TMEM129: variants seen among roughly 807,000 people sequenced by gnomAD.
TMEM129 encodes transmembrane protein 129, E3 ubiquitin ligase.
Under a neutral mutation model 34.1 loss-of-function variants are expected in TMEM129, and 35 were observed. The observed-to-expected ratio is 1.03, with a 90% confidence interval of 0.78 to 1.36. The LOEUF is 1.36. TMEM129 is among the 40% of genes most tolerant of loss of function. The probability of loss-of-function intolerance (pLI) is 0.00; values close to 1 mark genes in which losing one functional copy is unlikely to be tolerated. For synonymous variants in TMEM129, 239 were observed against 217.3 expected, an observed-to-expected ratio of 1.10 and a Z score of -0.88; for missense variants, 504 against 512.6, an observed-to-expected ratio of 0.98 and a Z score of 0.16.
rs1717028691 is a variant in TMEM129, at chr4:1,717,510, C to T, written c.840+6G>A. Reference sequence around the variant, plus strand: ...CATCCACCCGGCCCTGGCCCAGGCCCCCCACCTGGCTGCTGGGCACTGAGT... The same window carrying T: ...CATCCACCCGGCCCTGGCCCAGGCCTCCCACCTGGCTGCTGGGCACTGAGT... On this transcript the variant is annotated splice_donor_region_variant and intron_variant, in intron 3 of 3. Coordinates refer to ENST00000382936, the MANE Select transcript of TMEM129 (RefSeq NM_001127266.2). 2 of 1,514,308 alleles carry T rather than the reference C, an allele frequency of 1.3e-6. No homozygotes were observed. The highest frequency in any genetic ancestry group is 1.8e-6 in the Non-Finnish European group (2 of 1,123,346). The allele number at this position is 1,514,308 out of a possible 1,614,324, so 93.8% of individuals were successfully genotyped here.
chr4:1,718,263 G>C lies in TMEM129; in HGVS notation c.569C>G (p.Thr190Ser). The stretch of plus-strand genomic sequence containing the variant: ...CTCATGCTGCCGAGACTCCGTCACA[G>C]TCAGGTGCACGTCCTGCTGCTGGGC... ...HVAQQQDVHL[T>S]VTESRQHELS... is the part of the protein sequence containing the mutation. The change falls in exon 2 of 4, where the codon ACT becomes AGT. Residue 190 changes from threonine (T) to serine (S), a missense_variant. Transcript: ENST00000382936. The C allele has an allele frequency of 6.2e-7, 1 of 1,611,340 alleles. No individual in the cohort carries two copies. Among genetic ancestry groups the C allele is most frequent in the Non-Finnish European group, 8.5e-7 (1 of 1,179,028 alleles).
At position 1,720,669 on chromosome 4, in the gene TMEM129, C is replaced by A; in HGVS notation, c.169G>T (p.Ala57Ser). ...AGCGAGTGGCACAACAGCGTGGCGG[C>A]CGTGCGGCGCAAGTGGAAGGGCACG... Reference protein sequence around the residue: ...AFVPFHLRRTAATLLCHSLLP... With the variant: ...AFVPFHLRRTSATLLCHSLLP... Residue 57 changes from alanine (A) to serine (S), a missense_variant, in exon 1 of 4, where the codon GCC (alanine) becomes TCC (serine). Transcript: ENST00000382936. This position sits in a 1 kb window ranked among gnomAD's most constrained non-coding sequence, Gnocchi z 4.4. 1 of 1,546,656 alleles carries A rather than the reference C, an allele frequency of 6.5e-7. No individual in the cohort carries two copies. Among genetic ancestry groups the A allele is most frequent in the Non-Finnish European group, 8.7e-7 (1 of 1,147,392 alleles).
Position 1,717,117 on chromosome 4 carries a change from A to G in TMEM129, c.*63T>C, listed in dbSNP as rs1577194784. 1 of 1,376,402 alleles carries G rather than the reference A, an allele frequency of 7.3e-7. No individual in the cohort carries two copies. Among genetic ancestry groups the G allele is most frequent in the Non-Finnish European group, 9.4e-7 (1 of 1,065,348 alleles). The allele number at this position is 1,376,402 out of a possible 1,614,324, so 85.3% of individuals were successfully genotyped here. A position where few individuals can be genotyped will look rare whatever the true frequency, so the allele number is the denominator to read the frequency against. On this transcript the variant is annotated 3_prime_UTR_variant, in exon 4 of 4. Transcript: ENST00000382936. ...CCTTTGCCAGCCAGGAGGCCCAGCC[A>G]CCCCCTTCCCTGCCCTGTGGCTTTG... is the stretch of plus-strand genomic sequence containing the variant.
rs1480958561 is a variant in TMEM129 at position 1,720,820 on chromosome 4, C to T, written c.18G>A (p.Val6=). The T allele has an allele frequency of 1.3e-6, 2 of 1,588,176 alleles. No individual in the cohort carries two copies. Among genetic ancestry groups the T allele is most frequent in the Non-Finnish European group, 1.7e-6 (2 of 1,168,920 alleles). ...ACACCAGATAGGCGAGAGTGAAGGTCACCTCGGGGCTGTCCATCGCGCAGC... is the reference window on the plus strand; with the variant it reads ...ACACCAGATAGGCGAGAGTGAAGGTTACCTCGGGGCTGTCCATCGCGCAGC... The part of the protein sequence containing the change: MDSPE[V]TFTLAYLVFA... Residue 6 remains valine (V), a synonymous_variant, in exon 1 of 4, where the codon GTG becomes GTA. Coordinates refer to ENST00000382936, the MANE Select transcript of TMEM129 (RefSeq NM_001127266.2). This position sits in a 1 kb window ranked among gnomAD's most constrained non-coding sequence, Gnocchi z 4.4.
intron 2 of TMEM129, 180 bp from the exon 3 acceptor site, chr4:1,717,855 G>A (rs1717052959): frequency 1.2e-6 from 1 of 837,874 alleles, no homozygotes; most frequent in Non-Finnish European, 1.8e-6. Flanking sequence ...ACGGACCTAG[G>A]AGCAAGGCAG....
In TMEM129 at chr4:1,720,532, G is replaced by C. The variant is rs533096230; in HGVS notation, c.205+101C>G. ...CGGCGCCTCTCCCCAGCTGCGCCCA[G>C]GCGCTTTCGGGGCCTCGGGGAGCTG... On this transcript the variant is annotated intron_variant, in intron 1 of 3. Transcript: ENST00000382936. This position sits in a 1 kb window ranked among gnomAD's most constrained non-coding sequence, Gnocchi z 4.4. 4 of 1,397,126 alleles carry C rather than the reference G, an allele frequency of 2.9e-6. No homozygotes were observed. Among genetic ancestry groups the C allele is most frequent in the Non-Finnish European group, 3.8e-6 (4 of 1,057,780 alleles). The allele number at this position is 1,397,126 out of a possible 1,614,324, so 86.5% of individuals were successfully genotyped here. A position where few individuals can be genotyped will look rare whatever the true frequency, so the allele number is the denominator to read the frequency against.
In TMEM129 at chr4:1,718,392, G is replaced by T; in HGVS notation, c.440C>A (p.Thr147Asn). The change falls in exon 2 of 4, where the codon ACT becomes AAT. Residue 147 changes from threonine to asparagine, a missense_variant. Thr to Asn is a moderately conservative substitution (Grantham distance 65, BLOSUM62 0). Coordinates refer to ENST00000382936, the MANE Select transcript of TMEM129 (RefSeq NM_001127266.2). The part of the protein sequence containing the change: ...GWQAVASSVN[T>N]EFRRIDKFAT... Reference sequence around the variant, plus strand: ...AAACTTGTCAATCCGCCGGAACTCAGTGTTGACAGAGGAGGCAACAGCCTG... The same window carrying T: ...AAACTTGTCAATCCGCCGGAACTCATTGTTGACAGAGGAGGCAACAGCCTG... 6.2e-7 allele frequency: 1 copy of T among 1,609,674 alleles called. No homozygotes were observed.
At position 1,720,662 on chromosome 4, in the gene TMEM129, G is replaced by A. The variant is rs961733003; in HGVS notation, c.176C>T (p.Thr59Met). 34 of 1,546,536 alleles carry A rather than the reference G, an allele frequency of 2.2e-5. No homozygotes were observed. The highest frequency in any genetic ancestry group is 2.8e-5 in the Non-Finnish European group (32 of 1,147,126). The change falls in exon 1 of 4, where the codon ACG becomes ATG. Residue 59 changes from threonine to methionine, a missense_variant. Thr to Met is a moderately conservative substitution (Grantham distance 81). Transcript: ENST00000382936. This position sits in a 1 kb window ranked among gnomAD's most constrained non-coding sequence, Gnocchi z 4.4. ...CGGCAGCAGCGAGTGGCACAACAGC[G>A]TGGCGGCCGTGCGGCGCAAGTGGAA... ...VPFHLRRTAA[T>M]LLCHSLLPLG... is the part of the protein sequence containing the mutation.
Position 1,718,385 on chromosome 4 carries a change from G to C in TMEM129, c.447C>G (p.Phe149Leu), listed in dbSNP as rs1717091110. The C allele has an allele frequency of 4.3e-6, 7 of 1,610,954 alleles. No individual in the cohort carries two copies. Among genetic ancestry groups the C allele is most frequent in the Non-Finnish European group, 5.9e-6 (7 of 1,178,758 alleles). ...CGGTGGCAAACTTGTCAATCCGCCG[G>C]AACTCAGTGTTGACAGAGGAGGCAA... Reference protein sequence around the residue: ...QAVASSVNTEFRRIDKFATGA... With the variant: ...QAVASSVNTELRRIDKFATGA... The change falls in exon 2 of 4, where the codon TTC becomes TTG. Residue 149 changes from phenylalanine (F) to leucine (L), a missense_variant. By Grantham distance (22) the Phe-to-Leu change is conservative. Transcript: ENST00000382936.
chr4:1,717,885 C>G, intron 2 of TMEM129: 2 of 735,056 alleles, frequency 2.7e-6, no homozygotes, highest in Non-Finnish European at 4.3e-6. Flanking sequence ...CTGAGGGCTG[C>G]ACTGTCCTGA....
At chr4:1,719,154 G>C in intron 1 of TMEM129, 1 of 815,518 alleles carries the variant, frequency 1.2e-6, no homozygotes, top group South Asian at 1.4e-5. Context: ...ATAAGCCATG[G>C]AGATGGTGAG....
Position 1,720,807 on chromosome 4 carries a change from CGA to C in TMEM129, c.29_30del (p.Leu10ArgfsTer81). On this transcript the variant is annotated frameshift_variant, in exon 1 of 4. Transcript: ENST00000382936. LOFTEE classifies it high-confidence loss of function. This position sits in a 1 kb window ranked among gnomAD's most constrained non-coding sequence, Gnocchi z 4.4. The part of the protein sequence containing the change: MDSPEVTFT[L>X]AYLVFAVCFV... ...AAGCACACGGCGAACACCAGATAGG[CGA>C]GAGTGAAGGTCACCTCGGGGCTGTC... 1 of 1,594,464 alleles carries C rather than the reference CGA, an allele frequency of 6.3e-7. No homozygotes were observed. The highest frequency in any genetic ancestry group is 8.5e-7 in the Non-Finnish European group (1 of 1,171,780).
In TMEM129 at chr4:1,717,764, C is replaced by T. The variant is rs187114005; in HGVS notation, c.681-89G>A. The T allele has an allele frequency of 2.5e-5, 36 of 1,433,032 alleles. No homozygotes were observed. The Admixed American group carries it at 5.4e-4, about 22-fold the overall frequency. The allele number at this position is 1,433,032 out of a possible 1,614,324, so 88.8% of individuals were successfully genotyped here. A position where few individuals can be genotyped will look rare whatever the true frequency, so the allele number is the denominator to read the frequency against. The stretch of plus-strand genomic sequence containing the variant: ...CCCCAAGGAGTGACAGGGCAGCTGT[C>T]GCACCAGGACCAACCAGGAGAGATG... On this transcript the variant is annotated intron_variant, in intron 2 of 3. Coordinates refer to ENST00000382936, the MANE Select transcript of TMEM129 (RefSeq NM_001127266.2).
chr4:1,716,258 A>G lies in TMEM129; in HGVS notation c.*922T>C, dbSNP rs1716952955. On this transcript the variant is annotated 3_prime_UTR_variant, in exon 4 of 4. Transcript: ENST00000382936. ...AGGTATGAAGGCCCCTCCAGTAGCC[A>G]CACCTGTGTCAGGGCTGTGCCCTGG... The G allele has an allele frequency of 6.6e-6, 1 of 152,302 alleles. No homozygotes were observed. Among genetic ancestry groups the G allele is most frequent in the African/African-American group, 2.4e-5 (1 of 41,442 alleles). The allele number at this position is 152,302 out of a possible 1,614,324, so 9.4% of individuals were successfully genotyped here. A position where few individuals can be genotyped will look rare whatever the true frequency, so the allele number is the denominator to read the frequency against.
rs1717295442 is a variant in TMEM129, at chr4:1,720,930, GCCGCCGCCCGGCCGCCCGCGGGGCAC to G, written c.-119_-94del. 2 of 1,164,614 alleles carry G rather than the reference GCCGCCGCCCGGCCGCCCGCGGGGCAC, an allele frequency of 1.7e-6. No individual in the cohort carries two copies. Among genetic ancestry groups the G allele is most frequent in the African/African-American group, 3.3e-5 (2 of 60,938 alleles). The allele number at this position is 1,164,614 out of a possible 1,614,324, so 72.1% of individuals were successfully genotyped here. A position where few individuals can be genotyped will look rare whatever the true frequency, so the allele number is the denominator to read the frequency against. On this transcript the variant is annotated 5_prime_UTR_variant, in exon 1 of 4. Coordinates refer to ENST00000382936, the MANE Select transcript of TMEM129 (RefSeq NM_001127266.2). The surrounding 1 kb of genome is among the most constrained non-coding windows in gnomAD (Gnocchi z 4.4). ...AGTCCCGGACCTGTCGGTTGCGGCG[GCCGCCGCCCGGCCGCCCGCGGGGCAC>G]TCTAGGACATGGAGTCCCGCCGCCC...
In TMEM129 at chr4:1,717,974, G is replaced by C. The variant is rs908504694; in HGVS notation, c.680+178C>G. 8.3e-5 allele frequency: 57 copies of C among 690,232 alleles called. No homozygotes were observed. The East Asian group carries it at 1.4e-3, about 18-fold the overall frequency. 42.8% of individuals were successfully genotyped at this position (690,232 alleles called of 1,614,324 possible). ...AGAGTGCAGGGGGACCCGAGGGAGG[G>C]CTATGCGGGAGGGCTCAGTGACTGG... On this transcript the variant is annotated intron_variant, in intron 2 of 3. Transcript: ENST00000382936.
At position 1,720,213 on chromosome 4, in the gene TMEM129, G is replaced by A. The variant is rs1473067756; in HGVS notation, c.205+420C>T. ...ACTGGAACTGCCTCCAAATCCGCCTGTTCTCTCCACACCCACCTTCCAAGG... is the reference window on the plus strand; with the variant it reads ...ACTGGAACTGCCTCCAAATCCGCCTATTCTCTCCACACCCACCTTCCAAGG... On this transcript the variant is annotated intron_variant, in intron 1 of 3. Coordinates refer to ENST00000382936, the MANE Select transcript of TMEM129 (RefSeq NM_001127266.2). This position sits in a 1 kb window ranked among gnomAD's most constrained non-coding sequence, Gnocchi z 4.4. Among the ~76,000 whole-genome samples, 4 of 152,150 alleles carry A rather than the reference G, an allele frequency of 2.6e-5. No individual in the cohort carries two copies. Among genetic ancestry groups the A allele is most frequent in the Non-Finnish European group, 5.9e-5 (4 of 68,028 alleles).
chr4:1,718,409 A>G lies in TMEM129; in HGVS notation c.423T>C (p.Val141=), dbSNP rs754963412. 1.9e-6 allele frequency: 3 copies of G among 1,604,180 alleles called. No homozygotes were observed. Among genetic ancestry groups the G allele is most frequent in the East Asian group, 4.5e-5 (2 of 44,548 alleles). ...GGAACTCAGTGTTGACAGAGGAGGC[A>G]ACAGCCTGCCAGCCAGACTGTGGGA... The part of the protein sequence containing the change: ...YALPQSGWQA[V]ASSVNTEFRR... The change falls in exon 2 of 4, where the codon GTT becomes GTC. Residue 141 remains valine (V), a synonymous_variant. Coordinates refer to ENST00000382936, the MANE Select transcript of TMEM129 (RefSeq NM_001127266.2).
At chr4:1,719,262 G>A (rs925132743) in intron 1 of TMEM129, 2 of 457,010 alleles carry the variant, frequency 4.4e-6, no homozygotes, top group Non-Finnish European at 8.8e-6. Context: ...TATAACAATA[G>A]GTAACTAGGG....
Sources: gnomAD v4.1 joint callset for allele counts (sites outside exome capture counted in the v4.1 genomes callset) on GRCh38, gnomAD v4.1.1 for gene constraint, Gnocchi (gnomAD v3.1) non-coding constraint, MANE v1.5 for transcripts, NCBI Gene and HGNC (gene_info 2026-07-23, HGNC 2026-07-21) for gene names.